RBL1: variants seen among roughly 807,000 people sequenced by gnomAD.
The protein encoded by RBL1 is RB transcriptional corepressor like 1, also known as retinoblastoma-like protein 1.
In RBL1, 82 loss-of-function variants were observed where a neutral mutation model predicts 123.0. The ratio of observed to expected loss-of-function variants is 0.67; its 90% confidence interval spans 0.56 to 0.80. The LOEUF is 0.80. RBL1 is among the 30% of genes least tolerant of loss of function. RBL1 has a pLI of 0.00. For missense variants in RBL1, 1,171 were observed against 1,299.6 expected, an observed-to-expected ratio of 0.90 and a Z score of 1.52; for synonymous variants, 405 against 441.3, an observed-to-expected ratio of 0.92 and a Z score of 1.03.
rs181544726 is a variant in RBL1 at position 36,996,599 on chromosome 20, C to T, written c.*2160G>A. Reference sequence around the variant, plus strand: ...CTGGGACTACAGGCACATGCCATCACACCCAACTAATTTTTTTATTTTTTG... The same window carrying T: ...CTGGGACTACAGGCACATGCCATCATACCCAACTAATTTTTTTATTTTTTG... On this transcript the variant is annotated 3_prime_UTR_variant, in exon 22 of 22. Transcript: ENST00000373664. 6.6e-6 allele frequency: 1 copy of T among 152,320 alleles called. No homozygotes were observed. The highest frequency in any genetic ancestry group is 1.9e-4 in the East Asian group (1 of 5,186). 9.4% of individuals were successfully genotyped at this position (152,320 alleles called of 1,614,324 possible).
At chr20:37,021,796 A>C (rs568042798) in intron 17 of RBL1, 29 of 199,632 alleles carry the variant, frequency 1.5e-4, no homozygotes, top group Non-Finnish European at 2.7e-4. Flanking sequence ...AGCAAGATAC[A>C]CTTCAAACAC....
chr20:37,067,230 T>A lies in RBL1; in HGVS notation c.556+3A>T. 6.2e-7 allele frequency: 1 copy of A among 1,602,416 alleles called. No individual in the cohort carries two copies. Among genetic ancestry groups the A allele is most frequent in the South Asian group, 1.1e-5 (1 of 87,866 alleles). ...TGTAAGACCACTGAAAGTGTCATCT[T>A]ACCCTTAGTATAAACAAAAAGTGTC... On this transcript the variant is annotated splice_donor_region_variant and intron_variant, in intron 4 of 21. Transcript: ENST00000373664.
At chr20:37,010,313 TAATAC>T (rs1600452423) in intron 19 of RBL1, among the ~76,000 whole-genome samples, 2 of 152,150 alleles carry the variant, frequency 1.3e-5, no homozygotes, top group African/African-American at 2.4e-5. Context: ...CCATACTCAT[TAATAC>T]AATAAATTTG....
At chr20:37,080,970 C>T (rs2065439774) in intron 2 of RBL1, among the ~76,000 whole-genome samples, 1 of 152,148 alleles carries the variant, frequency 6.6e-6, no homozygotes, top group African/African-American at 2.4e-5. Context: ...TACCTGTATG[C>T]ATTGGGTGAA....
rs761670709 is a variant in RBL1 at position 37,089,056 on chromosome 20, C to G, written c.223G>C (p.Val75Leu). 4 of 1,612,362 alleles carry G rather than the reference C, an allele frequency of 2.5e-6. No individual in the cohort carries two copies. In the Admixed American group the frequency reaches 6.7e-5, roughly 27 times the overall value. ...VACRKSIIPT[V>L]GKGIMEGNCV... ...TTGCCTTCCATGATACCCTTTCCAA[C>G]CGTGGGAATAATGCTTTTGCGGCAT... The change falls in exon 2 of 22, where the codon GTT (valine) becomes CTT (leucine). Residue 75 changes from valine (V) to leucine (L), a missense_variant. Transcript: ENST00000373664.
intron 16 of RBL1, among the ~76,000 whole-genome samples, chr20:37,026,687 G>A (rs147102274): frequency 0.054 from 7,752 of 144,888 alleles, 691 homozygotes; most frequent in African/African-American, 0.19. Context: ...CTGGGTGACA[G>A]AGCAAGACTC....
chr20:37,074,288 C>A (rs868453521), intron 2 of RBL1, among the ~76,000 whole-genome samples: 3 of 151,586 alleles, frequency 2.0e-5, no homozygotes, highest in Non-Finnish European at 2.9e-5. Flanking sequence ...GTGGCATGCA[C>A]CTGTGATCTT....
At chr20:37,018,484 T>A in intron 18 of RBL1, 115 bp from the exon 19 acceptor site, 2 of 1,374,112 alleles carry the variant, frequency 1.5e-6, no homozygotes, top group Non-Finnish European at 1.9e-6. Context: ...TCTGTATAAG[T>A]GATACTCAAG....
rs11361452 is a variant in RBL1, at chr20:37,004,714, C to CA, written c.2872-849dup. 9.7e-3 allele frequency among the ~76,000 whole-genome samples: 704 copies of CA among 72,466 alleles called. 4 individuals are homozygous for CA. The highest frequency in any genetic ancestry group is 0.013 in the Non-Finnish European group (519 of 40,188). The allele number at this position is 72,466 out of a possible 152,430, so 47.5% of individuals were successfully genotyped here. A position where few individuals can be genotyped will look rare whatever the true frequency, so the allele number is the denominator to read the frequency against. ...TGGGTGACAGACCAAGACTCTGCCT[C>CA]AAAAAAAAAAAAAAAAAAAAAAGAA... On this transcript the variant is annotated intron_variant, in intron 20 of 21. Transcript: ENST00000373664.
At chr20:37,088,705 T>A (rs1248374338) in intron 2 of RBL1, among the ~76,000 whole-genome samples, 8 of 145,948 alleles carry the variant, frequency 5.5e-5, no homozygotes, top group Admixed American at 1.4e-4. Flanking sequence ...AAAAAAAAAA[T>A]ACAAAAAATT....
In RBL1 at chr20:36,997,584, G is replaced by A. The variant is rs1440912391; in HGVS notation, c.*1175C>T. The A allele has an allele frequency of 6.6e-6, 1 of 152,130 alleles. No individual in the cohort carries two copies. 9.4% of individuals were successfully genotyped at this position (152,130 alleles called of 1,614,324 possible). ...TCTTAGGGACTCAATTAGATATTGAGAATGACTGATAACTATGATCTCAAA... is the reference window on the plus strand; with the variant it reads ...TCTTAGGGACTCAATTAGATATTGAAAATGACTGATAACTATGATCTCAAA... On this transcript the variant is annotated 3_prime_UTR_variant, in exon 22 of 22. Coordinates refer to ENST00000373664, the MANE Select transcript of RBL1 (RefSeq NM_002895.5).
chr20:37,001,254 G>A (rs1180386873), intron 21 of RBL1, among the ~76,000 whole-genome samples: 1 of 152,046 alleles, frequency 6.6e-6, no homozygotes, highest in African/African-American at 2.4e-5. Flanking sequence ...CCCCGTCTGG[G>A]AGGTGTACTC....
chr20:37,067,865 A>G (rs2065207234), intron 3 of RBL1, 121 bp downstream of exon 3: 1 of 1,190,962 alleles, frequency 8.4e-7, no homozygotes, highest in African/African-American at 1.6e-5. Flanking sequence ...ATGGATTTAA[A>G]AAGAAAATAA....
At chr20:37,083,190 G>A (rs2065479401) in intron 2 of RBL1, among the ~76,000 whole-genome samples, 1 of 151,840 alleles carries the variant, frequency 6.6e-6, no homozygotes. Context: ...GCGGAAGGCT[G>A]GGCGCGGTGG....
chr20:37,019,386 TAA>T (rs973844069), intron 18 of RBL1, among the ~76,000 whole-genome samples: 20 of 152,146 alleles, frequency 1.3e-4, no homozygotes, highest in African/African-American at 4.8e-4. Flanking sequence ...TTACTGGTAT[TAA>T]GAAGATATTC....
At chr20:37,033,023 T>A in intron 15 of RBL1, 147 bp from the exon 16 acceptor site, 1 of 1,210,518 alleles carries the variant, frequency 8.3e-7, no homozygotes. Flanking sequence ...GAATTCTTTT[T>A]TTTTTTTTTT....
intron 9 of RBL1, among the ~76,000 whole-genome samples, chr20:37,056,561 C>T (rs2065010990): frequency 6.6e-6 from 1 of 151,870 alleles, no homozygotes; most frequent in South Asian, 2.1e-4. Flanking sequence ...CACCATGTTG[C>T]CTAGGCTGGT....
intron 20 of RBL1, 40 bp downstream of exon 20, chr20:37,007,371 G>C (rs753326549): frequency 1.3e-6 from 2 of 1,587,622 alleles, no homozygotes; most frequent in Non-Finnish European, 1.7e-6. Context: ...ATCCAACTAT[G>C]ACAGCAAATA....
chr20:37,047,283 C>T (rs950191121), intron 11 of RBL1, 93 bp from the exon 12 acceptor site: 16 of 1,421,892 alleles, frequency 1.1e-5, no homozygotes, highest in Middle Eastern at 1.8e-4. Flanking sequence ...GAAAAAATAA[C>T]GTGCAAATTA....
Sources: gnomAD v4.1 joint callset for allele counts (sites outside exome capture counted in the v4.1 genomes callset) on GRCh38, gnomAD v4.1.1 for gene constraint, MANE v1.5 for transcripts, NCBI Gene and HGNC (gene_info 2026-07-23, HGNC 2026-07-21) for gene names.